RASA3: variants seen among roughly 807,000 people sequenced by gnomAD.
RASA3 encodes the protein RAS p21 protein activator 3.
A neutral mutation model predicts 110.0 loss-of-function variants in RASA3; 73 were observed. The observed-to-expected ratio is 0.66, with a 90% CI of 0.55 to 0.81. The LOEUF is 0.81. Ranked by LOEUF, RASA3 falls within the 30% of genes least tolerant of loss-of-function variation. RASA3 has a pLI of 0.00. For missense variants in RASA3, 976 were observed against 1,113.2 expected (o/e 0.88, Z 1.75); for synonymous variants, 500 against 451.4 (o/e 1.11, Z -1.37).
chr13:114,007,691 T>G, intron 17 of RASA3, 85 bp from the exon 18 acceptor site: 1 of 1,133,452 alleles, frequency 8.8e-7, no homozygotes, highest in East Asian at 2.3e-5. Context: ...CGTCGGCGGC[T>G]ACTGCCTCCT....
intron 2 of RASA3, among the ~76,000 whole-genome samples, chr13:114,059,590 C>T (rs1445878378): frequency 3.9e-5 from 6 of 152,238 alleles, no homozygotes; most frequent in East Asian, 3.8e-4. Flanking sequence ...GTGCAGCCTG[C>T]GGGCACAGAG....
intron 22 of RASA3, among the ~76,000 whole-genome samples, chr13:113,983,544 GAATTAA>G (rs1358711239): frequency 1.1e-5 from 1 of 93,920 alleles, no homozygotes; most frequent in African/African-American, 3.4e-5. Context: ...AAAGATTTGA[GAATTAA>G]AATTCCAGCC....
intron 2 of RASA3, among the ~76,000 whole-genome samples, chr13:114,060,204 C>CGGCA (rs1566538987): frequency 6.6e-6 from 1 of 152,214 alleles, no homozygotes. Flanking sequence ...GGGCAGGGCA[C>CGGCA]GGCAGGACCG....
chr13:114,051,116 C>CT (rs2079138686), intron 3 of RASA3, among the ~76,000 whole-genome samples: 2 of 151,810 alleles, frequency 1.3e-5, no homozygotes, highest in African/African-American at 4.9e-5. Flanking sequence ...TCCTGCACCC[C>CT]CGGGCCCTCA....
intron 21 of RASA3, among the ~76,000 whole-genome samples, chr13:113,995,076 G>A (rs1272822218): frequency 1.1e-4 from 16 of 152,268 alleles, no homozygotes; most frequent in Admixed American, 9.8e-4. Context: ...CTCAGCGGCT[G>A]GAGCCTCTTG....
intron 2 of RASA3, among the ~76,000 whole-genome samples, chr13:114,064,764 C>T (rs537108546): frequency 2.0e-5 from 3 of 152,328 alleles, no homozygotes; most frequent in African/African-American, 4.8e-5. Context: ...TTGGACAGGC[C>T]GGCTTTGTCT....
chr13:114,005,554 G>C (rs1205354591), intron 18 of RASA3, among the ~76,000 whole-genome samples: 1 of 152,154 alleles, frequency 6.6e-6, no homozygotes, highest in African/African-American at 2.4e-5. Flanking sequence ...TCTGACTCTG[G>C]TTCCCTGAGC....
intron 1 of RASA3, among the ~76,000 whole-genome samples, chr13:114,087,758 T>C (rs1173768764): frequency 6.6e-6 from 1 of 152,196 alleles, no homozygotes; most frequent in Non-Finnish European, 1.5e-5. Context: ...AGACAACTTA[T>C]CAGAGGGCCT....
At chr13:114,113,648 C>T (rs891077613) in intron 1 of RASA3, among the ~76,000 whole-genome samples, 2 of 134,698 alleles carry the variant, frequency 1.5e-5, no homozygotes, top group Non-Finnish European at 3.2e-5. Flanking sequence ...GCTCACACCG[C>T]GTCCATCAGT....
rs74116479 is a variant in RASA3, at chr13:114,106,252, C to T, written c.55+26183G>A. Reference sequence around the variant, plus strand: ...TATGTGTGCGCGCACCGTATCTCCACGGAGCAAAATAAGAATGGAGAGAAA... The same window carrying T: ...TATGTGTGCGCGCACCGTATCTCCATGGAGCAAAATAAGAATGGAGAGAAA... On this transcript the variant is annotated intron_variant, in intron 1 of 23. Transcript: ENST00000334062. 9.4e-3 allele frequency among the ~76,000 whole-genome samples: 1,435 copies of T among 152,272 alleles called. 23 individuals carry two copies. The highest frequency in any genetic ancestry group is 0.033 in the African/African-American group (1,360 of 41,546).
intron 1 of RASA3, among the ~76,000 whole-genome samples, chr13:114,078,926 G>T (rs879816381): frequency 6.6e-6 from 1 of 152,228 alleles, no homozygotes; most frequent in Non-Finnish European, 1.5e-5. Flanking sequence ...AGCTGTGAGG[G>T]CATGGGGAGG....
At position 113,995,765 on chromosome 13, in the gene RASA3, G is replaced by A. The variant is rs772609444; in HGVS notation, c.2141+766C>T. Among the ~76,000 whole-genome samples, 367 of 46,936 alleles carry A rather than the reference G, an allele frequency of 7.8e-3. 89 individuals carry two copies. Among genetic ancestry groups the A allele is most frequent in the Non-Finnish European group, 9.5e-3 (249 of 26,298 alleles). 30.8% of individuals were successfully genotyped at this position (46,936 alleles called of 152,430 possible). A position where few individuals can be genotyped will look rare whatever the true frequency, so the allele number is the denominator to read the frequency against. ...ACGGGGGCCCGGCTGACGGGGGCCC[G>A]GCTGACGGGGGGCCCGGCTGACGGG... On this transcript the variant is annotated intron_variant, in intron 21 of 23. Transcript: ENST00000334062.
At chr13:114,126,306 G>A (rs1399838840) in intron 1 of RASA3, among the ~76,000 whole-genome samples, 1 of 152,222 alleles carries the variant, frequency 6.6e-6, no homozygotes, top group African/African-American at 2.4e-5. Flanking sequence ...CCATCGGCCA[G>A]AGGCCCATCC....
At chr13:114,073,599 G>T in intron 2 of RASA3, 121 bp downstream of exon 2, 1 of 825,940 alleles carries the variant, frequency 1.2e-6, no homozygotes, top group Non-Finnish European at 2.1e-6. Context: ...ACGGGATGGT[G>T]ACGTACACGC....
intron 18 of RASA3, among the ~76,000 whole-genome samples, chr13:114,003,132 G>A (rs1031740562): frequency 1.3e-5 from 2 of 152,232 alleles, no homozygotes; most frequent in South Asian, 2.1e-4. Flanking sequence ...TTGCACAACC[G>A]AGGGTGGCCC....
chr13:114,117,658 G>A (rs1300473103), intron 1 of RASA3, among the ~76,000 whole-genome samples: 8 of 133,682 alleles, frequency 6.0e-5, no homozygotes, highest in African/African-American at 8.6e-5. Context: ...AGGGGTGCAC[G>A]TGTGTGAGGG....
chr13:114,129,153 A>G lies in RASA3; in HGVS notation c.55+3282T>C, dbSNP rs561681786. 8.5e-5 allele frequency among the ~76,000 whole-genome samples: 13 copies of G among 152,346 alleles called. No homozygotes were observed. In the East Asian group the frequency reaches 1.9e-3, roughly 23 times the overall value. On this transcript the variant is annotated intron_variant, in intron 1 of 23. Coordinates refer to ENST00000334062, the MANE Select transcript of RASA3 (RefSeq NM_007368.4). ...CTCCCTGTGGGTCCCTGACTCATGG[A>G]AAGTCCGAAGCACAGGCTTCCTCAA...
At chr13:114,021,208 G>A (rs2053921088) in intron 9 of RASA3, among the ~76,000 whole-genome samples, 196 bp downstream of exon 9, 1 of 152,206 alleles carries the variant, frequency 6.6e-6, no homozygotes, top group African/African-American at 2.4e-5. Flanking sequence ...CTCCTCACCT[G>A]CCATTTCTCA....
chr13:114,004,416 G>A (rs1190250749), intron 18 of RASA3, among the ~76,000 whole-genome samples: 1 of 151,982 alleles, frequency 6.6e-6, no homozygotes, highest in Non-Finnish European at 1.5e-5. Context: ...CAAAGGACAG[G>A]GGGATAGACG....
Sources: allele counts gnomAD v4.1 joint callset (sites outside exome capture counted in the v4.1 genomes callset), GRCh38; gene constraint gnomAD v4.1.1; transcripts MANE v1.5; gene names NCBI Gene and HGNC (gene_info 2026-07-23, HGNC 2026-07-21).